ARHGAP18: variants seen among roughly 807,000 people sequenced by gnomAD.
The protein encoded by ARHGAP18 is Rho GTPase activating protein 18.
In ARHGAP18, 67 loss-of-function variants were observed where a neutral mutation model predicts 86.2. The ratio of observed to expected loss-of-function variants is 0.78; its 90% CI spans 0.64 to 0.95. ARHGAP18 has a LOEUF of 0.95. Among genes scored for constraint, ARHGAP18 ranks in the 40% least tolerant of loss-of-function variants. The pLI is 0.00. For synonymous variants in ARHGAP18, 283 were observed against 280.4 expected, an observed-to-expected ratio of 1.01 and a Z score of -0.09; for missense variants, 691 against 780.4, an observed-to-expected ratio of 0.89 and a Z score of 1.37.
intron 1 of ARHGAP18, among the ~76,000 whole-genome samples, chr6:129,677,831 T>G (rs559209562): frequency 1.3e-5 from 2 of 152,362 alleles, no homozygotes; most frequent in South Asian, 4.1e-4. Context: ...CATTTTTCCT[T>G]GTCCTTGCAC....
At chr6:129,596,406 A>G (rs775368516) in intron 12 of ARHGAP18, among the ~76,000 whole-genome samples, 3 of 152,158 alleles carry the variant, frequency 2.0e-5, no homozygotes. Flanking sequence ...TGCTTAAATG[A>G]ATAATATCCA....
chr6:129,686,570 T>A (rs1159543548), intron 1 of ARHGAP18, among the ~76,000 whole-genome samples: 1 of 152,216 alleles, frequency 6.6e-6, no homozygotes, highest in Non-Finnish European at 1.5e-5. Context: ...TTCTTCAAAG[T>A]TCAGTCTCTT....
At chr6:129,606,922 G>A (rs916601354) in intron 9 of ARHGAP18, among the ~76,000 whole-genome samples, 3 of 151,424 alleles carry the variant, frequency 2.0e-5, no homozygotes, top group East Asian at 3.9e-4. Context: ...GTACAGTGGT[G>A]TGATTTTGGC....
intron 1 of ARHGAP18, among the ~76,000 whole-genome samples, chr6:129,655,485 T>C (rs1296763873): frequency 2.6e-5 from 4 of 152,102 alleles, no homozygotes; most frequent in African/African-American, 9.7e-5. Flanking sequence ...CCAGTGTAGA[T>C]GACAGCATCA....
intron 1 of ARHGAP18, among the ~76,000 whole-genome samples, chr6:129,675,383 CA>C (rs71664105): frequency 0.2 from 17,967 of 90,488 alleles, 1,670 homozygotes; most frequent in African/African-American, 0.39. Context: ...GACTCCATCT[CA>C]AAAAAAAAAA....
At chr6:129,701,552 G>A (rs571286375) in intron 1 of ARHGAP18, among the ~76,000 whole-genome samples, 34 of 152,246 alleles carry the variant, frequency 2.2e-4, no homozygotes, top group African/African-American at 7.7e-4. Context: ...TGGGCAGATC[G>A]TGAGGTCAGG....
chr6:129,607,814 T>C, intron 9 of ARHGAP18, 79 bp downstream of exon 9: 2 of 1,417,286 alleles, frequency 1.4e-6, no homozygotes, highest in Admixed American at 5.1e-5. Context: ...TTGCGTTCTT[T>C]GTGATGCCAA....
intron 5 of ARHGAP18, among the ~76,000 whole-genome samples, chr6:129,619,853 A>G (rs992440770): frequency 6.6e-6 from 1 of 152,028 alleles, no homozygotes; most frequent in Admixed American, 6.5e-5. Context: ...AACGAAGAGC[A>G]TGGACTTCAG....
chr6:129,596,626 C>G (rs539014134), intron 12 of ARHGAP18, among the ~76,000 whole-genome samples: 1 of 152,256 alleles, frequency 6.6e-6, no homozygotes, highest in African/African-American at 2.4e-5. Context: ...CCAGTAATTC[C>G]TGGCACACAG....
intron 1 of ARHGAP18, among the ~76,000 whole-genome samples, chr6:129,649,600 T>TCTA (rs1773661519): frequency 6.8e-6 from 1 of 148,124 alleles, no homozygotes; most frequent in South Asian, 2.1e-4. Flanking sequence ...TCTTGTATAG[T>TCTA]GCTTTATAGT....
chr6:129,624,637 C>A lies in ARHGAP18; in HGVS notation c.786+4716G>T. 2.0e-5 allele frequency among the ~76,000 whole-genome samples: 3 copies of A among 151,262 alleles called. No individual in the cohort carries two copies. The East Asian group carries it at 5.9e-4, about 30-fold the overall frequency. ...TTTTACTTTTCCCATTAGGTATAAA[C>A]ACAGATTTTCAAAAATATACAAGAA... is the stretch of plus-strand genomic sequence containing the variant. On this transcript the variant is annotated intron_variant, in intron 5 of 14. Transcript: ENST00000368149.
intron 13 of ARHGAP18, among the ~76,000 whole-genome samples, chr6:129,580,763 T>C (rs1788271410): frequency 6.6e-6 from 1 of 152,050 alleles, no homozygotes; most frequent in Non-Finnish European, 1.5e-5. Context: ...TGATCCTAGC[T>C]ACTCGGGAGG....
At chr6:129,703,965 C>T (rs576173698) in intron 1 of ARHGAP18, among the ~76,000 whole-genome samples, 364 of 142,872 alleles carry the variant, frequency 2.5e-3, no homozygotes, top group Middle Eastern at 0.018. Context: ...CCCTTTTTTT[C>T]AACAACAAAA....
chr6:129,625,147 TATTATATAG>T (rs1789341051), intron 5 of ARHGAP18, among the ~76,000 whole-genome samples: 2 of 14,916 alleles, frequency 1.3e-4, no homozygotes, highest in Admixed American at 1.6e-3. Flanking sequence ...ATATATTATA[TATTATATAG>T]ATATATATTA....
At chr6:129,701,934 G>T (rs1423327215) in intron 1 of ARHGAP18, among the ~76,000 whole-genome samples, 1 of 152,186 alleles carries the variant, frequency 6.6e-6, no homozygotes, top group Non-Finnish European at 1.5e-5. Flanking sequence ...GGGTAGAAAA[G>T]AATTGAGAGT....
intron 1 of ARHGAP18, among the ~76,000 whole-genome samples, chr6:129,671,479 G>A (rs767663454): frequency 6.6e-6 from 1 of 152,124 alleles, no homozygotes; most frequent in Non-Finnish European, 1.5e-5. Flanking sequence ...TGGGAAGACT[G>A]CTTGAGCCTG....
intron 10 of ARHGAP18, among the ~76,000 whole-genome samples, chr6:129,603,169 A>T (rs1417540554): frequency 6.6e-6 from 1 of 151,984 alleles, no homozygotes; most frequent in Non-Finnish European, 1.5e-5. Context: ...CCGAGTTCCA[A>T]AAGTCCAGTG....
chr6:129,706,774 CTGCT>C (rs1355359728), intron 1 of ARHGAP18, among the ~76,000 whole-genome samples: 2 of 150,050 alleles, frequency 1.3e-5, no homozygotes, highest in Non-Finnish European at 3.0e-5. Context: ...GTAATCCCAG[CTGCT>C]TGGGAGGCTG....
At chr6:129,669,482 C>T (rs1446060427) in intron 1 of ARHGAP18, among the ~76,000 whole-genome samples, 2 of 148,976 alleles carry the variant, frequency 1.3e-5, no homozygotes, top group African/African-American at 4.9e-5. Context: ...CTAACATGCA[C>T]TTTTTAAAGT....
Sources: gnomAD v4.1 joint callset for allele counts (sites outside exome capture counted in the v4.1 genomes callset) on GRCh38, gnomAD v4.1.1 for gene constraint, MANE v1.5 for transcripts, NCBI Gene and HGNC (gene_info 2026-07-23, HGNC 2026-07-21) for gene names.